The following DHX57 variants were observed in gnomAD, a reference collection of about 807,000 sequenced individuals.
DHX57 encodes the protein DExH-box helicase 57, also known as putative ATP-dependent RNA helicase DHX57.
A neutral mutation model predicts 156.2 loss-of-function variants in DHX57; 105 were observed. The observed-to-expected ratio is 0.67, with a 90% CI of 0.57 to 0.79. DHX57 has a LOEUF of 0.79. Among genes scored for constraint, DHX57 ranks in the 30% least tolerant of loss-of-function variants. The pLI is 0.00. For synonymous variants in DHX57, 704 were observed against 595.6 expected (o/e 1.18, Z -2.65); for missense variants, 1,847 against 1,661.9 (o/e 1.11, Z -1.94).
chr2:38,831,686 C>A (rs1402405422), intron 13 of DHX57, among the ~76,000 whole-genome samples: 1 of 151,524 alleles, frequency 6.6e-6, no homozygotes, highest in Non-Finnish European at 1.5e-5. Flanking sequence ...GAAACCCTGT[C>A]TCTACTAAAA....
intron 6 of DHX57, chr2:38,856,748 G>T: frequency 9.2e-6 from 2 of 216,888 alleles, no homozygotes; most frequent in South Asian, 1.0e-4. Flanking sequence ...GAATCCACCT[G>T]CCTTGGTCTC....
At chr2:38,811,093 G>T in intron 21 of DHX57, 1 of 572,158 alleles carries the variant, frequency 1.7e-6, no homozygotes, top group South Asian at 1.6e-5. Flanking sequence ...GGTTCTCCAA[G>T]ATTCCAGCCT....
chr2:38,859,971 C>A (rs1673105802), intron 5 of DHX57, among the ~76,000 whole-genome samples: 1 of 151,986 alleles, frequency 6.6e-6, no homozygotes, highest in African/African-American at 2.4e-5. Context: ...ACAACCATGG[C>A]TGACTAGCTA....
intron 5 of DHX57, 66 bp downstream of exon 5, chr2:38,860,933 A>T: frequency 7.0e-7 from 1 of 1,437,662 alleles, no homozygotes; most frequent in Non-Finnish European, 9.5e-7. Context: ...GACCAGCCTT[A>T]AAGGCTTTGA....
At chr2:38,849,091 G>C (rs1672446872) in intron 9 of DHX57, among the ~76,000 whole-genome samples, 1 of 152,092 alleles carries the variant, frequency 6.6e-6, no homozygotes, top group Non-Finnish European at 1.5e-5. Flanking sequence ...ACCACAAAGA[G>C]GCACATACAA....
chr2:38,824,666 G>A (rs74854402), intron 16 of DHX57, among the ~76,000 whole-genome samples: 1 of 152,002 alleles, frequency 6.6e-6, no homozygotes, highest in African/African-American at 2.4e-5. Flanking sequence ...TTTTGGGGGG[G>A]TATAGAGTTT....
intron 20 of DHX57, among the ~76,000 whole-genome samples, chr2:38,814,303 A>T (rs778195419): frequency 1.8e-4 from 27 of 152,156 alleles, no homozygotes; most frequent in Non-Finnish European, 3.5e-4. Context: ...CTCTATCTTA[A>T]AGCAAAAAAA....
chr2:38,826,367 A>C (rs781188835), intron 15 of DHX57, 149 bp downstream of exon 15: 11 of 902,740 alleles, frequency 1.2e-5, no homozygotes, highest in Non-Finnish European at 1.7e-5. Context: ...TCCTGGCTAC[A>C]CAATCATTCA....
At position 38,861,308 on chromosome 2, in the gene DHX57, G is replaced by C. The variant is rs376959260; in HGVS notation, c.1102C>G (p.Gln368Glu). Reference sequence around the variant, plus strand: ...GAATAAAATGCCACGAGCGGAGCTTGGTAGGGATATTTGTGGTCTTTAGAA... The same window carrying C: ...GAATAAAATGCCACGAGCGGAGCTTCGTAGGGATATTTGTGGTCTTTAGAA... Reference protein sequence around the residue: ...RFSKDHKYPYQAPLVAFYSTN... With the variant: ...RFSKDHKYPYEAPLVAFYSTN... Residue 368 changes from glutamine (Q) to glutamate (E), a missense_variant, in exon 5 of 24, where the codon CAA becomes GAA. By Grantham distance (29) the Gln-to-Glu change is conservative. Coordinates refer to ENST00000457308, the MANE Select transcript of DHX57 (RefSeq NM_198963.3). 50 of 1,614,074 alleles carry C rather than the reference G, an allele frequency of 3.1e-5. No individual in the cohort carries two copies. Among genetic ancestry groups the C allele is most frequent in the Non-Finnish European group, 4.1e-5 (48 of 1,180,016 alleles).
intron 9 of DHX57, chr2:38,853,196 C>G (rs1672698753): frequency 6.6e-6 from 1 of 151,130 alleles, no homozygotes; most frequent in African/African-American, 2.4e-5. Context: ...TAGCTGGGAC[C>G]TTAGGTGTGA....
intron 13 of DHX57, among the ~76,000 whole-genome samples, chr2:38,833,743 A>G (rs1183421405): frequency 6.6e-6 from 1 of 152,194 alleles, no homozygotes; most frequent in African/African-American, 2.4e-5. Context: ...GGGTCTACTC[A>G]TTGGCAATTT....
At chr2:38,834,051 C>A (rs1476499721) in intron 13 of DHX57, among the ~76,000 whole-genome samples, 1 of 152,014 alleles carries the variant, frequency 6.6e-6, no homozygotes, top group Non-Finnish European at 1.5e-5. Context: ...TAAATCAGGC[C>A]GGGCATGGTG....
At chr2:38,822,479 C>T (rs146582582) in intron 17 of DHX57, among the ~76,000 whole-genome samples, 115 of 150,924 alleles carry the variant, frequency 7.6e-4, no homozygotes, top group African/African-American at 2.4e-3. Context: ...CAGCAACCTC[C>T]GCCTCCCAGG....
At chr2:38,798,866 C>T (rs950575828) in intron 23 of DHX57, among the ~76,000 whole-genome samples, 1 of 152,100 alleles carries the variant, frequency 6.6e-6, no homozygotes, top group Non-Finnish European at 1.5e-5. Context: ...TGGCTTGAAC[C>T]CAGGAGGTGG....
intron 21 of DHX57, 69 bp downstream of exon 21, chr2:38,813,752 T>A (rs1383894768): frequency 6.5e-7 from 1 of 1,544,370 alleles, no homozygotes; most frequent in Non-Finnish European, 8.9e-7. Flanking sequence ...AATATGCACA[T>A]CTTAACTTAC....
intron 14 of DHX57, among the ~76,000 whole-genome samples, chr2:38,828,067 G>T (rs1270595701): frequency 6.6e-6 from 1 of 152,074 alleles, no homozygotes; most frequent in African/African-American, 2.4e-5. Context: ...CGTTGGTCAG[G>T]CTGGTCTCCA....
chr2:38,803,686 A>T (rs1041503724), intron 22 of DHX57, among the ~76,000 whole-genome samples: 1 of 150,652 alleles, frequency 6.6e-6, no homozygotes, highest in East Asian at 2.0e-4. Context: ...CAGGGATTTC[A>T]TCATGCTGGC....
intron 20 of DHX57, 131 bp downstream of exon 20, chr2:38,815,390 G>C (rs1166641246): frequency 3.3e-6 from 4 of 1,219,256 alleles, no homozygotes; most frequent in Non-Finnish European, 3.5e-6. Flanking sequence ...GTGCGAAGCA[G>C]AAAATCAAGA....
intron 7 of DHX57, 133 bp downstream of exon 7, chr2:38,856,207 T>A: frequency 2.3e-6 from 3 of 1,291,012 alleles, no homozygotes; most frequent in Non-Finnish European, 3.1e-6. Context: ...TTTTTTGCCT[T>A]ATGTCTCAAG....
Sources: gnomAD v4.1 joint callset for allele counts (sites outside exome capture counted in the v4.1 genomes callset) on GRCh38, gnomAD v4.1.1 for gene constraint, MANE v1.5 for transcripts, NCBI Gene and HGNC (gene_info 2026-07-23, HGNC 2026-07-21) for gene names.